The following OPCML variants were observed in gnomAD, a reference collection of about 807,000 sequenced individuals.
The protein encoded by OPCML is opioid binding protein/cell adhesion molecule like.
OPCML carries 13 observed loss-of-function variants against 37.8 expected under a neutral mutation model. The ratio of observed to expected loss-of-function variants is 0.34; its 90% CI spans 0.22 to 0.55. The LOEUF is 0.55. OPCML is among the 20% of genes least tolerant of loss of function. The pLI is 0.91. For missense variants in OPCML, 341 were observed against 435.6 expected, an observed-to-expected ratio of 0.78 and a Z score of 1.93; for synonymous variants, 176 against 168.8, an observed-to-expected ratio of 1.04 and a Z score of -0.33.
rs1323017289 is a variant in OPCML at position 133,177,923 on chromosome 11, CT to C, written c.62-234914del. Reference sequence around the variant, plus strand: ...CCATCTGGCCTCTTTCAAGAGGCCTCTGTTCTTTTGAACCACACTGAATAAA... The same window carrying C: ...CCATCTGGCCTCTTTCAAGAGGCCTCGTTCTTTTGAACCACACTGAATAAA... On this transcript the variant is annotated intron_variant, in intron 1 of 7. Coordinates refer to ENST00000524381, the MANE Select transcript of OPCML (RefSeq NM_001012393.5). This position sits in a 1 kb window ranked among gnomAD's most constrained non-coding sequence, Gnocchi z 5.0. Among the ~76,000 whole-genome samples, 1 of 152,206 alleles carries C rather than the reference CT, an allele frequency of 6.6e-6. No individual in the cohort carries two copies. Among genetic ancestry groups the C allele is most frequent in the Non-Finnish European group, 1.5e-5 (1 of 68,026 alleles).
intron 3 of OPCML, among the ~76,000 whole-genome samples, chr11:132,594,059 A>T (rs2096488774): frequency 2.0e-5 from 3 of 152,260 alleles, no homozygotes; most frequent in African/African-American, 7.2e-5. Flanking sequence ...AAAAACAAGG[A>T]TGTGTGCCCC....
chr11:132,854,183 A>C (rs1941944792), intron 2 of OPCML, among the ~76,000 whole-genome samples: 3 of 152,144 alleles, frequency 2.0e-5, no homozygotes, highest in African/African-American at 7.2e-5. Flanking sequence ...TAATACAGGG[A>C]TTTTTTTAAA....
intron 1 of OPCML, among the ~76,000 whole-genome samples, chr11:133,502,184 A>G (rs1044524548): frequency 1.1e-4 from 17 of 152,166 alleles, no homozygotes; most frequent in Admixed American, 5.2e-4. Flanking sequence ...CCCTGTCTCA[A>G]CAGCTGACTG....
At chr11:133,314,770 C>A (rs1284601015) in intron 1 of OPCML, among the ~76,000 whole-genome samples, 3 of 152,150 alleles carry the variant, frequency 2.0e-5, no homozygotes, top group Non-Finnish European at 4.4e-5. Context: ...CCCACGGCTC[C>A]CAAGCAATGG....
At chr11:132,787,008 G>C (rs912982349) in intron 2 of OPCML, among the ~76,000 whole-genome samples, 1 of 152,154 alleles carries the variant, frequency 6.6e-6, no homozygotes, top group South Asian at 2.1e-4. Context: ...CAGAAGGCCT[G>C]TCAAACACAG....
intron 1 of OPCML, among the ~76,000 whole-genome samples, chr11:133,044,498 AG>A (rs1193188911): frequency 3.9e-5 from 6 of 152,180 alleles, no homozygotes; most frequent in Non-Finnish European, 8.8e-5. Flanking sequence ...AGTCTTTAAA[AG>A]CTCATCAAGG....
intron 1 of OPCML, among the ~76,000 whole-genome samples, chr11:133,398,298 C>A (rs185376333): frequency 2.3e-3 from 346 of 152,284 alleles, no homozygotes; most frequent in African/African-American, 7.8e-3. Context: ...CAATGTGGTC[C>A]TTTTGGAAAT....
intron 2 of OPCML, among the ~76,000 whole-genome samples, chr11:132,786,345 A>G (rs1159386487): frequency 6.6e-6 from 1 of 152,230 alleles, no homozygotes; most frequent in Non-Finnish European, 1.5e-5. Context: ...ATTGCACACA[A>G]TAGTACACAT....
At chr11:133,468,463 C>T (rs1042652846) in intron 1 of OPCML, among the ~76,000 whole-genome samples, 3 of 152,220 alleles carry the variant, frequency 2.0e-5, no homozygotes, top group African/African-American at 7.2e-5. Context: ...AGCCAGGAGG[C>T]ACAAGCAGAG....
At chr11:133,220,383 C>T (rs1464981748) in intron 1 of OPCML, among the ~76,000 whole-genome samples, 1 of 152,190 alleles carries the variant, frequency 6.6e-6, no homozygotes, top group Non-Finnish European at 1.5e-5. Context: ...GATGAGGGCA[C>T]AGGTTCTCAT....
chr11:132,681,911 C>T lies in OPCML; in HGVS notation c.147-24592G>A, dbSNP rs377039366. 1.1e-3 allele frequency among the ~76,000 whole-genome samples: 168 copies of T among 151,664 alleles called. 1 individual carries two copies. The highest frequency in any genetic ancestry group is 3.6e-3 in the African/African-American group (147 of 41,326). ...TGGAGCTTGCAGTGAGCCGAGATCG[C>T]GCCACTGCACCCCAGCCTGGGCGAC... On this transcript the variant is annotated intron_variant, in intron 2 of 7. Transcript: ENST00000524381.
intron 1 of OPCML, among the ~76,000 whole-genome samples, chr11:132,963,201 A>G (rs1204980972): frequency 6.6e-6 from 1 of 152,036 alleles, no homozygotes; most frequent in African/African-American, 2.4e-5. Context: ...TGTTAACGCT[A>G]ACATCTCCCA....
chr11:133,111,603 T>G (rs1440612312), intron 1 of OPCML, among the ~76,000 whole-genome samples: 1 of 152,220 alleles, frequency 6.6e-6, no homozygotes, highest in Non-Finnish European at 1.5e-5. Flanking sequence ...GGATGATTCT[T>G]TCATCATCTC....
chr11:132,791,078 G>T (rs1186195571), intron 2 of OPCML, among the ~76,000 whole-genome samples: 2 of 152,158 alleles, frequency 1.3e-5, no homozygotes, highest in African/African-American at 4.8e-5. Flanking sequence ...GTGGGGTATT[G>T]TAACACTCTC....
intron 3 of OPCML, among the ~76,000 whole-genome samples, chr11:132,588,646 A>C (rs1057309565): frequency 6.6e-6 from 1 of 152,050 alleles, no homozygotes; most frequent in African/African-American, 2.4e-5. Context: ...CTCAGAACTG[A>C]GTTTCTCTAT....
chr11:132,906,756 G>C (rs936982463), intron 2 of OPCML, among the ~76,000 whole-genome samples: 4 of 152,206 alleles, frequency 2.6e-5, no homozygotes, highest in African/African-American at 4.8e-5. Flanking sequence ...AAAGGAACAG[G>C]CTGCCTCTTT....
chr11:132,605,399 TAA>T (rs755243796), intron 3 of OPCML, among the ~76,000 whole-genome samples: 4 of 129,048 alleles, frequency 3.1e-5, no homozygotes, highest in African/African-American at 2.9e-5. Flanking sequence ...CTACTAAAAA[TAA>T]AAAAAAAAAA....
Position 133,015,488 on chromosome 11 carries a change from G to C in OPCML, c.62-72478C>G, listed in dbSNP as rs531782545. ...GGAAGGAAGGAAGGAATGAAGGAAG[G>C]AAGGAAGGAAAGAAAGTCATTGCAC... is the stretch of plus-strand genomic sequence containing the variant. On this transcript the variant is annotated intron_variant, in intron 1 of 7. Coordinates refer to ENST00000524381, the MANE Select transcript of OPCML (RefSeq NM_001012393.5). 3.1e-4 allele frequency among the ~76,000 whole-genome samples: 46 copies of C among 150,396 alleles called. 1 individual carries two copies. The highest frequency in any genetic ancestry group is 8.6e-4 in the South Asian group (4 of 4,646).
chr11:133,223,890 T>C (rs904710819), intron 1 of OPCML, among the ~76,000 whole-genome samples: 6 of 152,170 alleles, frequency 3.9e-5, no homozygotes, highest in Admixed American at 1.3e-4. Flanking sequence ...ATCTGAGTGT[T>C]AAGCCAGAGG....
Sources: allele counts gnomAD v4.1 joint callset (sites outside exome capture counted in the v4.1 genomes callset), GRCh38; gene constraint gnomAD v4.1.1; non-coding constraint Gnocchi (gnomAD v3.1); transcripts MANE v1.5; gene names NCBI Gene and HGNC (gene_info 2026-07-23, HGNC 2026-07-21).